The following MGAT4C variants were observed in gnomAD, a reference collection of about 807,000 sequenced individuals.
MGAT4C encodes MGAT4 family member C.
MGAT4C carries 19 observed loss-of-function variants against 40.1 expected under a neutral mutation model. The ratio of observed to expected loss-of-function variants is 0.47; its 90% CI spans 0.33 to 0.70. The LOEUF (loss-of-function observed/expected upper bound fraction) is 0.70. MGAT4C is among the 30% of genes least tolerant of loss of function. MGAT4C has a pLI of 0.02. For synonymous variants in MGAT4C, 181 were observed against 187.1 expected (o/e 0.97, Z 0.27); for missense variants, 491 against 563.2 (o/e 0.87, Z 1.30).
intron 1 of MGAT4C, among the ~76,000 whole-genome samples, chr12:86,780,427 G>T (rs909384359): frequency 6.6e-6 from 1 of 152,122 alleles, no homozygotes; most frequent in Non-Finnish European, 1.5e-5. Flanking sequence ...AGGGGCGGGT[G>T]GGAGGTGATT....
intron 2 of MGAT4C, among the ~76,000 whole-genome samples, chr12:86,443,572 A>C (rs1957274458): frequency 6.6e-6 from 1 of 151,996 alleles, no homozygotes; most frequent in South Asian, 2.1e-4. Flanking sequence ...ACTAGCTACC[A>C]AACTGTTTTT....
At chr12:86,556,102 T>C (rs180753145) in intron 2 of MGAT4C, among the ~76,000 whole-genome samples, 31 of 152,368 alleles carry the variant, frequency 2.0e-4, no homozygotes, top group African/African-American at 7.2e-4. Context: ...GAAATTATTA[T>C]TGCATTTTTA....
Position 86,408,479 on chromosome 12 carries a change from C to CTGTATATATATA in MGAT4C, c.-120+26677_-120+26678insTATATATATACA, listed in dbSNP as rs1267344319. Among the ~76,000 whole-genome samples the CTGTATATATATA allele has an allele frequency of 1.2e-3, 79 of 63,344 alleles. 1 individual carries two copies. The highest frequency in any genetic ancestry group is 6.1e-3 in the African/African-American group (78 of 12,768). 41.6% of individuals were successfully genotyped at this position (63,344 alleles called of 152,430 possible). ...TCTCTCTCTCTCTCTCTCTCTCTCT[C>CTGTATATATATA]TATATATATATATATATATATATAT... On this transcript the variant is annotated intron_variant, in intron 3 of 7. Coordinates refer to the MGAT4C transcript ENST00000548651.
intron 2 of MGAT4C, among the ~76,000 whole-genome samples, chr12:86,493,934 T>C (rs1481156462): frequency 6.6e-6 from 1 of 152,056 alleles, no homozygotes; most frequent in Admixed American, 6.6e-5. Context: ...TCTCTGAAAA[T>C]GTTGCGATTT....
At chr12:86,108,144 A>C (rs1876554818) in intron 1 of MGAT4C, among the ~76,000 whole-genome samples, 1 of 152,064 alleles carries the variant, frequency 6.6e-6, no homozygotes, top group Non-Finnish European at 1.5e-5. Flanking sequence ...GGCCAAGGGG[A>C]CCCCAGAAAA....
intron 4 of MGAT4C, among the ~76,000 whole-genome samples, chr12:86,307,716 T>A (rs573370529): frequency 5.3e-5 from 8 of 150,562 alleles, no homozygotes; most frequent in Middle Eastern, 3.4e-3. Flanking sequence ...TTATTTATTT[T>A]TTTTGAGACG....
At chr12:85,992,140 C>G (rs201376728) in intron 2 of MGAT4C, among the ~76,000 whole-genome samples, 1 of 152,188 alleles carries the variant, frequency 6.6e-6, no homozygotes, top group Non-Finnish European at 1.5e-5. Context: ...CTAACTTCCA[C>G]AACAGTCAAA....
At chr12:86,637,347 G>A (rs997008372) in intron 2 of MGAT4C, among the ~76,000 whole-genome samples, 9 of 151,742 alleles carry the variant, frequency 5.9e-5, no homozygotes, top group African/African-American at 2.2e-4. Context: ...TAAAATTTTA[G>A]CTTGGTATTC....
chr12:86,566,040 T>TAAGTA (rs1960082480), intron 2 of MGAT4C, among the ~76,000 whole-genome samples: 1 of 152,154 alleles, frequency 6.6e-6, no homozygotes, highest in African/African-American at 2.4e-5. Flanking sequence ...GCCAGCTACT[T>TAAGTA]GGCGACAAGT....
chr12:86,646,503 A>G, intron 2 of MGAT4C, among the ~76,000 whole-genome samples: 1 of 151,954 alleles, frequency 6.6e-6, no homozygotes, highest in East Asian at 1.9e-4. Context: ...AGCTGAGTAT[A>G]GACTACAAGT....
intron 2 of MGAT4C, among the ~76,000 whole-genome samples, chr12:85,996,927 T>G (rs1030331041): frequency 3.9e-5 from 6 of 152,188 alleles, no homozygotes; most frequent in African/African-American, 1.4e-4. Flanking sequence ...GTCAAAAATA[T>G]TTAAAACACT....
At chr12:86,028,138 T>G (rs1057062746) in intron 2 of MGAT4C, 1 of 1,288,688 alleles carries the variant, frequency 7.8e-7, no homozygotes, top group African/African-American at 1.5e-5. Flanking sequence ...CACACTCCTC[T>G]GCACAGTCTT....
rs1049603328 is a variant in MGAT4C at position 85,978,129 on chromosome 12, A to T, written c.*1160T>A. ...AGCATCATTTAGGACATTATTTAGGATAATATTATTTATGCAGGAATTGTA... is the reference window on the plus strand; with the variant it reads ...AGCATCATTTAGGACATTATTTAGGTTAATATTATTTATGCAGGAATTGTA... On this transcript the variant is annotated 3_prime_UTR_variant, in exon 5 of 5. Coordinates refer to ENST00000611864, the MANE Select transcript of MGAT4C (RefSeq NM_001351288.2). 1 of 151,528 alleles carries T rather than the reference A, an allele frequency of 6.6e-6. No individual in the cohort carries two copies. Among genetic ancestry groups the T allele is most frequent in the Admixed American group, 6.6e-5 (1 of 15,176 alleles). 9.4% of individuals were successfully genotyped at this position (151,528 alleles called of 1,614,324 possible).
At chr12:86,470,961 G>T (rs1489987318) in intron 2 of MGAT4C, among the ~76,000 whole-genome samples, 4 of 151,952 alleles carry the variant, frequency 2.6e-5, no homozygotes, top group Non-Finnish European at 5.9e-5. Flanking sequence ...AGAAGACCAT[G>T]GAACAGCATC....
intron 2 of MGAT4C, among the ~76,000 whole-genome samples, chr12:86,447,361 G>A (rs1957357672): frequency 6.6e-6 from 1 of 152,100 alleles, no homozygotes; most frequent in Non-Finnish European, 1.5e-5. Flanking sequence ...CTGACCTCAG[G>A]TGAACCACCT....
intron 1 of MGAT4C, among the ~76,000 whole-genome samples, chr12:86,074,056 T>C (rs1869152066): frequency 6.6e-6 from 1 of 152,106 alleles, no homozygotes; most frequent in African/African-American, 2.4e-5. Context: ...GGGGGCCAGT[T>C]TTTCTCATGC....
chr12:86,648,590 C>G (rs1479732194), intron 2 of MGAT4C, among the ~76,000 whole-genome samples: 1 of 151,780 alleles, frequency 6.6e-6, no homozygotes, highest in Non-Finnish European at 1.5e-5. Context: ...ATCTACCAAC[C>G]AGGAAGAGAG....
At chr12:86,076,814 G>A (rs1161585738) in intron 1 of MGAT4C, among the ~76,000 whole-genome samples, 1 of 152,146 alleles carries the variant, frequency 6.6e-6, no homozygotes, top group Non-Finnish European at 1.5e-5. Flanking sequence ...TACAATTCAA[G>A]TTGAGATTTG....
intron 2 of MGAT4C, chr12:86,002,284 A>T (rs1887405943): frequency 6.6e-6 from 1 of 152,194 alleles, no homozygotes; most frequent in Non-Finnish European, 1.5e-5. Context: ...GAGGCTTTGG[A>T]GACATCCAGA....
Sources: gnomAD v4.1 joint callset for allele counts (sites outside exome capture counted in the v4.1 genomes callset) on GRCh38, gnomAD v4.1.1 for gene constraint, MANE v1.5 for transcripts, NCBI Gene and HGNC (gene_info 2026-07-23, HGNC 2026-07-21) for gene names.